IGSF11: variants seen among roughly 807,000 people sequenced by gnomAD.
IGSF11 encodes the protein CXADR like 1.
IGSF11 carries 22 observed loss-of-function variants against 41.0 expected under a neutral mutation model. The ratio of observed to expected loss-of-function variants is 0.54; its 90% CI spans 0.38 to 0.77. The LOEUF (loss-of-function observed/expected upper bound fraction) is 0.77, where lower values mean the gene tolerates loss of function less well. IGSF11 is among the 30% of genes least tolerant of loss of function. The pLI is 0.00. For missense variants in IGSF11, 444 were observed against 530.8 expected (o/e 0.84, Z 1.61); for synonymous variants, 219 against 201.3 (o/e 1.09, Z -0.74).
At position 118,905,710 on chromosome 3, in the gene IGSF11, G is replaced by A; in HGVS notation, c.589C>T (p.Gln197Ter). The change falls in exon 5 of 7, where the codon CAG (glutamine) becomes TAG (stop). Residue 197 changes from glutamine to a stop codon, truncating the protein, a stop_gained. Coordinates refer to ENST00000393775, the MANE Select transcript of IGSF11 (RefSeq NM_001015887.3). LOFTEE classifies it high-confidence loss of function. ...ATGTTCCGGATGGTGACTGTTCCCT[G>A]GACCTGGTCTGTCACAAAAATAATA... ...LPPTATQDQV[Q>*]GTVTIRNISA... 1 of 1,613,676 alleles carries A rather than the reference G, an allele frequency of 6.2e-7. No homozygotes were observed. The highest frequency in any genetic ancestry group is 8.5e-7 in the Non-Finnish European group (1 of 1,179,700).
chr3:119,008,691 G>A (rs1027892875), intron 1 of IGSF11, among the ~76,000 whole-genome samples: 1 of 152,262 alleles, frequency 6.6e-6, no homozygotes, highest in African/African-American at 2.4e-5. Flanking sequence ...CACCTATGAG[G>A]GTTAATGTGC....
intron 4 of IGSF11, among the ~76,000 whole-genome samples, chr3:118,913,976 G>A (rs1435023300): frequency 6.6e-6 from 1 of 152,130 alleles, no homozygotes; most frequent in Non-Finnish European, 1.5e-5. Context: ...AAGAACTGAT[G>A]AGACGAAATA....
intron 1 of IGSF11, among the ~76,000 whole-genome samples, chr3:118,938,008 T>G (rs1323846601): frequency 6.7e-6 from 1 of 150,300 alleles, no homozygotes; most frequent in Non-Finnish European, 1.5e-5. Flanking sequence ...CCAAAAGATA[T>G]CTCTCTCTCT....
At chr3:119,036,445 G>C (rs1940907191), upstream of IGSF11, among the ~76,000 whole-genome samples, 4 of 152,232 alleles carry the variant, frequency 2.6e-5, no homozygotes, top group South Asian at 8.3e-4. Context: ...ATAAGAGTAA[G>C]CAATATAAGA....
chr3:118,987,978 G>A (rs1935425020), intron 1 of IGSF11, among the ~76,000 whole-genome samples: 1 of 152,096 alleles, frequency 6.6e-6, no homozygotes, highest in African/African-American at 2.4e-5. Flanking sequence ...ATATTAATTG[G>A]ATATCAATAT....
At chr3:119,030,471 T>C (rs1460736457) in intron 1 of IGSF11, among the ~76,000 whole-genome samples, 1 of 152,216 alleles carries the variant, frequency 6.6e-6, no homozygotes, top group African/African-American at 2.4e-5. Flanking sequence ...CCATTACAAA[T>C]GCAAACTACT....
intron 4 of IGSF11, among the ~76,000 whole-genome samples, chr3:118,924,280 C>T (rs997190734): frequency 1.3e-5 from 2 of 152,138 alleles, no homozygotes; most frequent in African/African-American, 2.4e-5. Flanking sequence ...ACCAATCAGA[C>T]TTCCGGGATT....
rs1242922496 is a variant in IGSF11 at position 119,117,652 on chromosome 3, C to T, written c.-13-12447G>A. Among the ~76,000 whole-genome samples the T allele has an allele frequency of 2.0e-5, 3 of 152,270 alleles. No homozygotes were observed. In the East Asian group the frequency reaches 5.8e-4, roughly 29 times the overall value. On this transcript the variant is annotated intron_variant, in intron 1 of 7. Transcript: ENST00000425327. Reference sequence around the variant, plus strand: ...TCCAGACATTTCAAAACCAATCATGCCTTCCCAACAGTCCCCCAAAGTCTT... The same window carrying T: ...TCCAGACATTTCAAAACCAATCATGTCTTCCCAACAGTCCCCCAAAGTCTT...
At chr3:119,118,404 C>T (rs764282826) in intron 1 of IGSF11, among the ~76,000 whole-genome samples, 7 of 152,250 alleles carry the variant, frequency 4.6e-5, no homozygotes, top group African/African-American at 9.6e-5. Context: ...TCTGAAGCCA[C>T]GGCCTGAGCT....
intron 1 of IGSF11, chr3:118,949,277 C>CTAT (rs1205489098): frequency 1.5e-4 from 21 of 142,320 alleles, no homozygotes; most frequent in African/African-American, 5.5e-4. Context: ...TCCTCTGTTA[C>CTAT]TATTACTCAT....
At position 118,902,451 on chromosome 3, in the gene IGSF11, C is replaced by CA; in HGVS notation, c.*68dup. 1.7e-6 allele frequency: 1 copy of CA among 594,226 alleles called. No individual in the cohort carries two copies. The allele number at this position is 594,226 out of a possible 1,614,324, so 36.8% of individuals were successfully genotyped here. On this transcript the variant is annotated 3_prime_UTR_variant, in exon 7 of 7. Coordinates refer to ENST00000393775, the MANE Select transcript of IGSF11 (RefSeq NM_001015887.3). ...GAAGTGTTTCTTTCCCAGCACTCCC[C>CA]ACCCCACCCTCCCCCTTGTATGAGG...
intron 1 of IGSF11, among the ~76,000 whole-genome samples, chr3:119,135,228 A>C (rs1306739124): frequency 6.6e-5 from 10 of 152,218 alleles, no homozygotes; most frequent in Admixed American, 3.3e-4. Context: ...TAATTAAACT[A>C]AAGAGCTTCT....
Position 119,034,767 on chromosome 3 carries a change from G to C in IGSF11, c.-185C>G, listed in dbSNP as rs1431501746. On this transcript the variant is annotated 5_prime_UTR_variant, in exon 1 of 7. Transcript: ENST00000393775. ...ACGAGCCAAGTGCAGCTGCAGCGCC[G>C]CCCGGCTCCGCGGACGCTGAGCTGT... 107 of 1,308,280 alleles carry C rather than the reference G, an allele frequency of 8.2e-5. No individual in the cohort carries two copies. The highest frequency in any genetic ancestry group is 1.9e-4 in the Admixed American group (5 of 25,832). 81.0% of individuals were successfully genotyped at this position (1,308,280 alleles called of 1,614,324 possible). A position where few individuals can be genotyped will look rare whatever the true frequency, so the allele number is the denominator to read the frequency against.
At chr3:119,055,068 G>C (rs921247756) in intron 1 of IGSF11, among the ~76,000 whole-genome samples, 3 of 152,088 alleles carry the variant, frequency 2.0e-5, no homozygotes, top group Non-Finnish European at 4.4e-5. Context: ...AGGCAAACAG[G>C]GTCTGGAGTG....
At chr3:119,107,305 T>C (rs1453040503), upstream of IGSF11, among the ~76,000 whole-genome samples, 3 of 152,252 alleles carry the variant, frequency 2.0e-5, no homozygotes, top group Non-Finnish European at 4.4e-5. Flanking sequence ...TGGTATCTCA[T>C]TGTGGTTTTG....
chr3:119,011,809 T>C (rs926560433), intron 1 of IGSF11, among the ~76,000 whole-genome samples: 4 of 152,092 alleles, frequency 2.6e-5, no homozygotes, highest in South Asian at 2.1e-4. Context: ...TGGATCAAGA[T>C]AACAGAAACC....
At chr3:119,044,290 C>T (rs766283770) in intron 1 of IGSF11, among the ~76,000 whole-genome samples, 2 of 151,904 alleles carry the variant, frequency 1.3e-5, no homozygotes, top group East Asian at 1.9e-4. Context: ...GCAATCAAAT[C>T]GAACAAGTAG....
At chr3:119,035,746 C>T (rs1940864906), upstream of IGSF11, among the ~76,000 whole-genome samples, 1 of 152,174 alleles carries the variant, frequency 6.6e-6, no homozygotes, top group Non-Finnish European at 1.5e-5. Context: ...ATACTGGGCT[C>T]TGCTCTTTAT....
chr3:119,081,010 G>A (rs1201374484), intron 1 of IGSF11, among the ~76,000 whole-genome samples: 1 of 151,526 alleles, frequency 6.6e-6, no homozygotes, highest in East Asian at 1.9e-4. Context: ...AAATATATTG[G>A]TACCTCTCAG....
Sources: gnomAD v4.1 joint callset for allele counts (sites outside exome capture counted in the v4.1 genomes callset) on GRCh38, gnomAD v4.1.1 for gene constraint, MANE v1.5 for transcripts, NCBI Gene and HGNC (gene_info 2026-07-23, HGNC 2026-07-21) for gene names.